The following NVL variants were observed in gnomAD, a reference collection of about 807,000 sequenced individuals.
NVL encodes nuclear VCP like.
Under a neutral mutation model 110.2 loss-of-function variants are expected in NVL, and 84 were observed. The ratio of observed to expected loss-of-function variants is 0.76; its 90% CI spans 0.64 to 0.91. The LOEUF (loss-of-function observed/expected upper bound fraction) is 0.91. NVL is among the 40% of genes least tolerant of loss of function. NVL has a pLI of 0.00. For synonymous variants in NVL, 354 were observed against 361.1 expected (o/e 0.98, Z 0.22); for missense variants, 882 against 1,035.9 (o/e 0.85, Z 2.04).
At position 224,227,684 on chromosome 1, in the gene NVL, G is replaced by A. The variant is rs746400398; in HGVS notation, c.2527-14C>T. On this transcript the variant is annotated splice_polypyrimidine_tract_variant and intron_variant, in intron 22 of 22. Coordinates refer to ENST00000281701, the MANE Select transcript of NVL (RefSeq NM_002533.4). Reference sequence around the variant, plus strand: ...CATGATTTGATCCTGAAAGGAGGGAGAACACAGAATACAGAGACCGTCACT... The same window carrying A: ...CATGATTTGATCCTGAAAGGAGGGAAAACACAGAATACAGAGACCGTCACT... 3 of 1,608,706 alleles carry A rather than the reference G, an allele frequency of 1.9e-6. No individual in the cohort carries two copies. The highest frequency in any genetic ancestry group is 1.3e-5 in the African/African-American group (1 of 74,840).
At position 224,236,566 on chromosome 1, in the gene NVL, G is replaced by T. The variant is rs752011815; in HGVS notation, c.2306C>A (p.Pro769Gln). The T allele has an allele frequency of 3.3e-5, 53 of 1,613,504 alleles. No homozygotes were observed. In the Admixed American group the frequency reaches 8.8e-4, roughly 27 times the overall value. Residue 769 changes from proline to glutamine, a missense_variant, in exon 20 of 23, where the codon CCA becomes CAA. This residue lies in a region of NVL where 126 missense variants were observed against 140.7 expected (regional missense o/e 0.90). Coordinates refer to ENST00000281701, the MANE Select transcript of NVL (RefSeq NM_002533.4). Reference sequence around the variant, plus strand: ...TTCCAAATTTACATCTGCATCCAGTGGTGGTTTGGTACCATTCTAAGTAAG... The same window carrying T: ...TTCCAAATTTACATCTGCATCCAGTTGTGGTTTGGTACCATTCTAAGTAAG... ...KTITKNGTKP[P>Q]LDADVNLEAI...
chr1:224,309,339 C>T (rs893740877), intron 5 of NVL, among the ~76,000 whole-genome samples: 9 of 151,884 alleles, frequency 5.9e-5, no homozygotes, highest in African/African-American at 1.7e-4. Context: ...GGCAACACAG[C>T]GAGACCCTGT....
rs775411063 is a variant in NVL at position 224,237,730 on chromosome 1, C to CT, written c.2290-1149dup. On this transcript the variant is annotated intron_variant, in intron 19 of 22. Coordinates refer to ENST00000281701, the MANE Select transcript of NVL (RefSeq NM_002533.4). Reference sequence around the variant, plus strand: ...AACTACATGCCACCATGCCTGGCTACTTTTTTTTTTTTTTGAGACAGTCTC... The same window carrying CT: ...AACTACATGCCACCATGCCTGGCTACTTTTTTTTTTTTTTTGAGACAGTCTC... Among the ~76,000 whole-genome samples the CT allele has an allele frequency of 1.4e-4, 18 of 130,080 alleles. 1 individual carries two copies. The highest frequency in any genetic ancestry group is 3.3e-4 in the Admixed American group (4 of 12,048). 85.3% of individuals were successfully genotyped at this position (130,080 alleles called of 152,430 possible).
At chr1:224,237,961 C>CA (rs200152434) in intron 19 of NVL, among the ~76,000 whole-genome samples, 1,784 of 135,240 alleles carry the variant, frequency 0.013, 50 homozygotes, top group African/African-American at 0.049. Context: ...GACTTGGTTT[C>CA]AAAAAAAAAA....
intron 19 of NVL, among the ~76,000 whole-genome samples, chr1:224,244,306 G>A (rs1332545963): frequency 6.6e-6 from 1 of 151,502 alleles, no homozygotes; most frequent in East Asian, 2.0e-4. Context: ...GGCAGAGGTT[G>A]CAGTGAGCTG....
intron 21 of NVL, among the ~76,000 whole-genome samples, chr1:224,231,836 C>A (rs1659912391): frequency 6.6e-6 from 1 of 150,422 alleles, no homozygotes; most frequent in African/African-American, 2.5e-5. Context: ...ACCAGCCTGA[C>A]CAATATGGTG....
At chr1:224,233,033 T>G (rs1660068266) in intron 21 of NVL, 168 bp downstream of exon 21, 1 of 531,198 alleles carries the variant, frequency 1.9e-6, no homozygotes, top group Non-Finnish European at 3.3e-6. Context: ...ATTATAATTG[T>G]CAGCAACAGA....
At chr1:224,235,940 A>G (rs1660418506) in intron 20 of NVL, among the ~76,000 whole-genome samples, 1 of 150,696 alleles carries the variant, frequency 6.6e-6, no homozygotes, top group Non-Finnish European at 1.5e-5. Context: ...ATGGAAAAAA[A>G]AAAAAGAAAA....
intron 2 of NVL, among the ~76,000 whole-genome samples, chr1:224,318,849 C>A (rs1043199429): frequency 1.3e-5 from 2 of 150,898 alleles, no homozygotes. Flanking sequence ...ATTAGCCAGG[C>A]GTGGTGGTGG....
At chr1:224,328,027 C>T (rs1042444215) in intron 1 of NVL, among the ~76,000 whole-genome samples, 1 of 151,968 alleles carries the variant, frequency 6.6e-6, no homozygotes, top group Non-Finnish European at 1.5e-5. Flanking sequence ...TCTGTGACTC[C>T]ACTGAAAGGT....
chr1:224,328,312 G>C (rs1671341847), intron 1 of NVL, among the ~76,000 whole-genome samples: 1 of 151,994 alleles, frequency 6.6e-6, no homozygotes, highest in African/African-American at 2.4e-5. Context: ...CTGAGGTCAG[G>C]AGTTCGAGAC....
chr1:224,290,766 C>CT (rs1366840127), intron 12 of NVL, among the ~76,000 whole-genome samples: 3 of 147,154 alleles, frequency 2.0e-5, no homozygotes, highest in African/African-American at 7.6e-5. Context: ...CAGGCCATTG[C>CT]ACTCCAGCCT....
Position 224,308,252 on chromosome 1 carries a change from G to T in NVL, c.354C>A (p.His118Gln). Residue 118 changes from histidine to glutamine, a missense_variant, in exon 6 of 23, where the codon CAC (histidine) becomes CAA (glutamine). Physicochemically the swap from His to Gln is conservative, Grantham distance 24 (BLOSUM62 0). Around this residue, in one of 4 missense-constraint regions of NVL, gnomAD observed 274 missense variants for 268.4 expected, o/e 1.02. Coordinates refer to ENST00000281701, the MANE Select transcript of NVL (RefSeq NM_002533.4). ...ATAAAGACAGCAGGGAACTGTTCAT[G>T]TGATTTGCTGACTGGCAGAAAGATA... is the stretch of plus-strand genomic sequence containing the variant. Reference protein sequence around the residue: ...EDYPDPQSANHMNSSLLSLYR... With the variant: ...EDYPDPQSANQMNSSLLSLYR... 1 of 1,595,050 alleles carries T rather than the reference G, an allele frequency of 6.3e-7. No individual in the cohort carries two copies.
At chr1:224,275,854 A>G (rs192314432) in intron 16 of NVL, among the ~76,000 whole-genome samples, 1 of 152,308 alleles carries the variant, frequency 6.6e-6, no homozygotes, top group African/African-American at 2.4e-5. Flanking sequence ...CATACACACA[A>G]GTCAAATTAC....
intron 19 of NVL, among the ~76,000 whole-genome samples, chr1:224,240,061 A>AT (rs34586586): frequency 0.51 from 45,921 of 90,818 alleles, 15,183 homozygotes; most frequent in South Asian, 0.64. Flanking sequence ...ACGCTGGGTA[A>AT]TTTTTTTTTT....
chr1:224,227,758 C>T lies in NVL; in HGVS notation c.2527-88G>A, dbSNP rs748461757. On this transcript the variant is annotated intron_variant, in intron 22 of 22. Transcript: ENST00000281701. ...CCCCCAAAATTCACATGCTGCAGTC[C>T]GCACCCGCAGGACCTCAGAATGTGA... 5.8e-4 allele frequency: 722 copies of T among 1,243,130 alleles called. 1 individual carries two copies. Among genetic ancestry groups the T allele is most frequent in the Middle Eastern group, 7.7e-4 (4 of 5,174 alleles). The allele number at this position is 1,243,130 out of a possible 1,614,324, so 77.0% of individuals were successfully genotyped here.
chr1:224,277,830 T>C (rs1426116957), intron 16 of NVL, among the ~76,000 whole-genome samples: 1 of 152,212 alleles, frequency 6.6e-6, no homozygotes, highest in East Asian at 1.9e-4. Flanking sequence ...TTTTATACTG[T>C]TTAGTCACAC....
intron 4 of NVL, among the ~76,000 whole-genome samples, chr1:224,313,890 C>T (rs897467995): frequency 6.6e-6 from 1 of 152,144 alleles, no homozygotes; most frequent in Non-Finnish European, 1.5e-5. Context: ...GTAATCCCAA[C>T]TACTCGGGAG....
intron 13 of NVL, 38 bp from the exon 14 acceptor site, chr1:224,288,031 C>T (rs777242385): frequency 7.6e-6 from 11 of 1,450,634 alleles, no homozygotes; most frequent in Admixed American, 1.7e-5. Flanking sequence ...AATAAAGAAA[C>T]ACCACAACAG....
Sources: gnomAD v4.1 joint callset for allele counts (sites outside exome capture counted in the v4.1 genomes callset) on GRCh38, gnomAD v4.1.1 for gene constraint, gnomAD v4.1.1 regional missense constraint, MANE v1.5 for transcripts, NCBI Gene and HGNC (gene_info 2026-07-23, HGNC 2026-07-21) for gene names.